UQCC4: variants seen among roughly 807,000 people sequenced by gnomAD.
The protein encoded by UQCC4 is cattle cerebrum and skeletal muscle-specific protein 1 family member.
the UQCC4 span, chr16:1,420,416 A>C: frequency 6.2e-7 from 1 of 1,614,208 alleles, no homozygotes; most frequent in Non-Finnish European, 8.5e-7. Flanking sequence ...AGCACCTTCC[A>C]CCAGGGCCGC....
At chr16:1,419,844 C>T in the UQCC4 span, 1 of 1,279,434 alleles carries the variant, frequency 7.8e-7, no homozygotes, top group Non-Finnish European at 1.0e-6. Context: ...GCATGCAATA[C>T]AGTTTCACAC....
the UQCC4 span, chr16:1,419,893 C>G: frequency 7.1e-6 from 10 of 1,399,296 alleles, no homozygotes; most frequent in African/African-American, 1.4e-4. Context: ...AAATTACCTG[C>G]AAACTAACAC....
chr16:1,420,375 G>A, the UQCC4 span: 4 of 1,614,104 alleles, frequency 2.5e-6, no homozygotes, highest in African/African-American at 1.3e-5. Flanking sequence ...AGCACCAGAT[G>A]ATCAGCGCCA....
chr16:1,420,051 G>A, the UQCC4 span: 2 of 1,612,008 alleles, frequency 1.2e-6, no homozygotes, highest in African/African-American at 2.7e-5. Context: ...CAAGAGCCAG[G>A]CGAGGAGCAG....
At chr16:1,419,962 G>A in the UQCC4 span, 1 of 1,556,766 alleles carries the variant, frequency 6.4e-7, no homozygotes, top group Non-Finnish European at 8.8e-7. Context: ...ACAAAGACTT[G>A]GCAAATCCAA....
the UQCC4 span, chr16:1,420,156 C>T: frequency 6.2e-7 from 1 of 1,613,798 alleles, no homozygotes; most frequent in African/African-American, 1.3e-5. Flanking sequence ...TGAGGACGCA[C>T]GCATAGCCAG....
At chr16:1,420,189 A>C in the UQCC4 span, 1 of 1,614,146 alleles carries the variant, frequency 6.2e-7, no homozygotes, top group Middle Eastern at 1.6e-4. Flanking sequence ...CAAACGTGAC[A>C]TCAAATCCGA....
chr16:1,420,531 A>G, the UQCC4 span: 1 of 1,614,058 alleles, frequency 6.2e-7, no homozygotes, highest in Admixed American at 1.7e-5. Context: ...CCTCGGCGGC[A>G]GGGTGGGCCC....
the UQCC4 span, chr16:1,420,717 GA>G: frequency 1.2e-5 from 18 of 1,540,772 alleles, no homozygotes; most frequent in Non-Finnish European, 1.6e-5. Context: ...CACAAGACAC[GA>G]TTCATTGCTG....
chr16:1,420,343 G>A, the UQCC4 span: 1 of 1,614,158 alleles, frequency 6.2e-7, no homozygotes, highest in South Asian at 1.1e-5. Flanking sequence ...CCACTGGTCC[G>A]CCTCGCTCTC....
At chr16:1,420,041 C>T in the UQCC4 span, 1 of 1,611,304 alleles carries the variant, frequency 6.2e-7, no homozygotes, top group South Asian at 1.1e-5. Context: ...CCTTGGACAT[C>T]AAGAGCCAGG....
At chr16:1,419,769 A>G in the UQCC4 span, 2 of 589,562 alleles carry the variant, frequency 3.4e-6, no homozygotes, top group Non-Finnish European at 4.9e-6. Context: ...TTATAAAATT[A>G]AAATTTATTT....
chr16:1,420,049 A>G, the UQCC4 span: 9 of 1,611,872 alleles, frequency 5.6e-6, no homozygotes, highest in Non-Finnish European at 7.6e-6. Flanking sequence ...ATCAAGAGCC[A>G]GGCGAGGAGC....
chr16:1,420,653 G>C, the UQCC4 span: 7 of 1,551,300 alleles, frequency 4.5e-6, no homozygotes, highest in Non-Finnish European at 6.1e-6. Context: ...CCGCCCGCCG[G>C]TGTCTGCCCT....
At chr16:1,420,236 G>A in the UQCC4 span, 2 of 1,613,374 alleles carry the variant, frequency 1.2e-6, no homozygotes. Flanking sequence ...CAGCCCCAGC[G>A]GGCACCCCGT....
chr16:1,419,774 T>G, the UQCC4 span: 1 of 614,020 alleles, frequency 1.6e-6, no homozygotes, highest in Non-Finnish European at 2.3e-6. Flanking sequence ...AAATTAAAAT[T>G]TATTTTCATT....
the UQCC4 span, chr16:1,420,347 C>T: frequency 1.9e-5 from 31 of 1,614,226 alleles, no homozygotes; most frequent in African/African-American, 4.0e-5. Context: ...TGGTCCGCCT[C>T]GCTCTCCTCC....
the UQCC4 span, chr16:1,420,285 C>G: frequency 6.2e-7 from 1 of 1,614,176 alleles, no homozygotes; most frequent in East Asian, 2.2e-5. Flanking sequence ...TCTCAGGCTC[C>G]TCAGAACGAT....
At chr16:1,420,737 CCT>C in the UQCC4 span, 1 of 1,536,894 alleles carries the variant, frequency 6.5e-7, no homozygotes, top group Non-Finnish European at 8.7e-7. Context: ...TGCCTTGACT[CCT>C]CGACTGACGC....
Sources: gnomAD v4.1 joint callset for allele counts on GRCh38, gnomAD v4.1.1 for gene constraint, MANE v1.5 for transcripts, NCBI Gene and HGNC (gene_info 2026-07-23, HGNC 2026-07-21) for gene names.